The following MYO9B variants were observed in gnomAD, a reference collection of about 807,000 sequenced individuals.
MYO9B encodes myosin IXB, also known as unconventional myosin-IXb.
A neutral mutation model predicts 229.5 loss-of-function variants in MYO9B; 71 were observed. That is an observed-to-expected ratio of 0.31 (90% CI 0.26 to 0.38). The LOEUF is 0.38. MYO9B is among the 10% of genes least tolerant of loss of function. MYO9B has a pLI of 1.00. For synonymous variants in MYO9B, 1,185 were observed against 1,235.8 expected (o/e 0.96, Z 0.86); for missense variants, 2,255 against 2,920.5 (o/e 0.77, Z 5.25).
chr19:17,143,737 G>A (rs529020506), intron 2 of MYO9B, among the ~76,000 whole-genome samples: 3 of 152,134 alleles, frequency 2.0e-5, no homozygotes, highest in Admixed American at 6.6e-5. Flanking sequence ...CCTAGCCAAC[G>A]TGGTGAAACC....
intron 1 of MYO9B, among the ~76,000 whole-genome samples, chr19:17,092,988 A>G (rs1410802528): frequency 6.6e-6 from 1 of 152,172 alleles, no homozygotes; most frequent in Non-Finnish European, 1.5e-5. Context: ...ATGCAAGCAC[A>G]TGGAAGTACA....
chr19:17,092,633 G>A (rs1203769021), intron 1 of MYO9B, among the ~76,000 whole-genome samples: 1 of 149,918 alleles, frequency 6.7e-6, no homozygotes, highest in Admixed American at 6.7e-5. Flanking sequence ...GCTGAAGCAC[G>A]AGAATCTCTT....
At chr19:17,199,878 T>G (rs556312192) in intron 24 of MYO9B, among the ~76,000 whole-genome samples, 1 of 150,926 alleles carries the variant, frequency 6.6e-6, no homozygotes, top group African/African-American at 2.4e-5. Flanking sequence ...TTTGTTTTTT[T>G]TTTTGAGACA....
rs2072781120 is a variant in MYO9B at position 17,175,827 on chromosome 19, T to C, written c.2219+86T>C. 8 of 447,002 alleles carry C rather than the reference T, an allele frequency of 1.8e-5. No homozygotes were observed. The South Asian group carries it at 2.0e-4, about 11-fold the overall frequency. 27.7% of individuals were successfully genotyped at this position (447,002 alleles called of 1,614,324 possible). ...ACAACTTAGGGAATGCTACATTCTTTTTTTTTTTTTTTTTTTTCTTTTGAG... is the reference window on the plus strand; with the variant it reads ...ACAACTTAGGGAATGCTACATTCTTCTTTTTTTTTTTTTTTTTCTTTTGAG... On this transcript the variant is annotated intron_variant, in intron 14 of 39. Coordinates refer to ENST00000682292, the MANE Select transcript of MYO9B (RefSeq NM_004145.4).
chr19:17,191,136 G>A lies in MYO9B; in HGVS notation c.2728G>A (p.Ala910Thr). The change falls in exon 20 of 40, where the codon GCC becomes ACC. Residue 910 changes from alanine to threonine, a missense_variant. Ala to Thr is a moderately conservative substitution (Grantham distance 58). Around this residue, in one of 7 missense-constraint regions of MYO9B, gnomAD observed 679 missense variants for 770.2 expected, o/e 0.88. Transcript: ENST00000682292. ...EQFQVLLPKD[A>T]QPCREVISTL... ...GTTCCAGGTGCTCCTGCCCAAGGAT[G>A]CCCAGCCCTGCAGGGAGGTCATCTC... is the stretch of plus-strand genomic sequence containing the variant. 1 of 1,612,750 alleles carries A rather than the reference G, an allele frequency of 6.2e-7. No individual in the cohort carries two copies.
At chr19:17,125,097 C>T (rs552854951) in intron 2 of MYO9B, among the ~76,000 whole-genome samples, 2 of 151,950 alleles carry the variant, frequency 1.3e-5, no homozygotes, top group Middle Eastern at 3.4e-3. Context: ...CTTAGGAGTT[C>T]GAGACCAGCC....
At chr19:17,188,853 A>C (rs1237320367) in intron 19 of MYO9B, among the ~76,000 whole-genome samples, 1 of 152,112 alleles carries the variant, frequency 6.6e-6, no homozygotes, top group Non-Finnish European at 1.5e-5. Flanking sequence ...TCTCTGCAAA[A>C]AATTTAAAAA....
At chr19:17,118,970 A>G (rs2057935110) in intron 2 of MYO9B, among the ~76,000 whole-genome samples, 1 of 152,048 alleles carries the variant, frequency 6.6e-6, no homozygotes, top group African/African-American at 2.4e-5. Context: ...AGTCCTGCCA[A>G]AGTGCCTGGA....
At chr19:17,133,165 G>A (rs1295477896) in intron 2 of MYO9B, among the ~76,000 whole-genome samples, 1 of 152,044 alleles carries the variant, frequency 6.6e-6, no homozygotes, top group Non-Finnish European at 1.5e-5. Context: ...TCTAATTGAT[G>A]AAAGTTGTAT....
intron 1 of MYO9B, among the ~76,000 whole-genome samples, chr19:17,093,534 A>G (rs1054310508): frequency 6.6e-6 from 1 of 152,130 alleles, no homozygotes; most frequent in African/African-American, 2.4e-5. Context: ...GTACCTTTAG[A>G]TTTCCGACCA....
rs1468243331 is a variant in MYO9B, at chr19:17,162,428, G to A, written c.1498G>A (p.Ala500Thr). 1.3e-6 allele frequency: 2 copies of A among 1,583,766 alleles called. No individual in the cohort carries two copies. The highest frequency in any genetic ancestry group is 1.2e-5 in the South Asian group (1 of 86,172). ...CTGGATTGTGCTGCGGATCAACCAC[G>A]CACTCCTCAACAAGAAGGACGTGGA... ...FDWIVLRINH[A>T]LLNKKDVEEA... The change falls in exon 9 of 40, where the codon GCA becomes ACA. Residue 500 changes from alanine (A) to threonine (T), a missense_variant. Coordinates refer to ENST00000682292, the MANE Select transcript of MYO9B (RefSeq NM_004145.4).
intron 1 of MYO9B, among the ~76,000 whole-genome samples, chr19:17,092,542 A>G (rs1223705190): frequency 6.6e-6 from 1 of 152,164 alleles, no homozygotes; most frequent in African/African-American, 2.4e-5. Flanking sequence ...CCTGGCCAAC[A>G]TGGCAAAGCC....
chr19:17,180,334 G>A (rs1423577279), intron 14 of MYO9B, among the ~76,000 whole-genome samples: 1 of 147,120 alleles, frequency 6.8e-6, no homozygotes, highest in Non-Finnish European at 1.5e-5. Flanking sequence ...ATGACCAGAT[G>A]GAAATAATTT....
chr19:17,107,258 T>G (rs1286936438), intron 2 of MYO9B, among the ~76,000 whole-genome samples: 1 of 151,918 alleles, frequency 6.6e-6, no homozygotes, highest in South Asian at 2.1e-4. Flanking sequence ...AAAAATTTAG[T>G]AGGTGAATGA....
chr19:17,200,917 C>T, intron 26 of MYO9B, 88 bp downstream of exon 26: 1 of 1,439,562 alleles, frequency 6.9e-7, no homozygotes, highest in Admixed American at 1.8e-5. Flanking sequence ...AAACACACAA[C>T]ACAGGGTTTA....
chr19:17,101,662 C>G lies in MYO9B; in HGVS notation c.-56C>G. ...CCTGGCTCTGACCTCCCTTCTAGCT[C>G]CAGGACACGCGCGCCCCGAGCCTGG... On this transcript the variant is annotated splice_region_variant and 5_prime_UTR_variant, in exon 2 of 40. Transcript: ENST00000682292. This position sits in a 1 kb window ranked among gnomAD's most constrained non-coding sequence, Gnocchi z 4.7. The G allele has an allele frequency of 6.7e-7, 1 of 1,487,512 alleles. No homozygotes were observed. The highest frequency in any genetic ancestry group is 8.9e-7 in the Non-Finnish European group (1 of 1,122,692). The allele number at this position is 1,487,512 out of a possible 1,614,324, so 92.1% of individuals were successfully genotyped here. A position where few individuals can be genotyped will look rare whatever the true frequency, so the allele number is the denominator to read the frequency against.
chr19:17,162,733 G>T (rs2072617429), intron 9 of MYO9B, among the ~76,000 whole-genome samples: 1 of 152,084 alleles, frequency 6.6e-6, no homozygotes, highest in African/African-American at 2.4e-5. Context: ...TGAGGCAGAA[G>T]GATTGCTTGA....
chr19:17,114,459 A>G (rs2057880486), intron 2 of MYO9B, among the ~76,000 whole-genome samples: 1 of 151,948 alleles, frequency 6.6e-6, no homozygotes, highest in Non-Finnish European at 1.5e-5. Flanking sequence ...CGTGTCACCG[A>G]TGATGAAGCG....
intron 15 of MYO9B, among the ~76,000 whole-genome samples, chr19:17,182,468 A>G (rs189821165): frequency 6.6e-6 from 1 of 151,862 alleles, no homozygotes; most frequent in East Asian, 1.9e-4. Flanking sequence ...CAGTGGCTCA[A>G]TCTTGGCTCA....
Sources: gnomAD v4.1 joint callset for allele counts (sites outside exome capture counted in the v4.1 genomes callset) on GRCh38, gnomAD v4.1.1 for gene constraint, gnomAD v4.1.1 regional missense constraint, Gnocchi (gnomAD v3.1) non-coding constraint, MANE v1.5 for transcripts, NCBI Gene and HGNC (gene_info 2026-07-23, HGNC 2026-07-21) for gene names.